Variants in BTBD9 observed in about 807,000 individuals in gnomAD.
The protein encoded by BTBD9 is BTB domain containing 9, also known as BTB/POZ domain-containing protein 9.
In BTBD9, 49 loss-of-function variants were observed where a neutral mutation model predicts 64.3. The ratio of observed to expected loss-of-function variants is 0.76; its 90% CI spans 0.61 to 0.97. The LOEUF (loss-of-function observed/expected upper bound fraction) is 0.97. BTBD9 is among the 50% of genes least tolerant of loss of function. The probability of loss-of-function intolerance (pLI) is 0.00; values close to 1 mark genes in which losing one functional copy is unlikely to be tolerated. For missense variants in BTBD9, 598 were observed against 762.1 expected, an observed-to-expected ratio of 0.78 and a Z score of 2.53; for synonymous variants, 260 against 274.7, an observed-to-expected ratio of 0.95 and a Z score of 0.53.
At chr6:38,259,994 A>C (rs1241756099) in intron 8 of BTBD9, among the ~76,000 whole-genome samples, 1 of 152,180 alleles carries the variant, frequency 6.6e-6, no homozygotes, top group East Asian at 1.9e-4. Flanking sequence ...ATTTCCTCAA[A>C]TATTATCCTA....
intron 6 of BTBD9, among the ~76,000 whole-genome samples, chr6:38,519,504 TTGTAC>T (rs1351466788): frequency 5.9e-5 from 9 of 152,210 alleles, no homozygotes; most frequent in Non-Finnish European, 1.3e-4. Flanking sequence ...TTATATATCC[TTGTAC>T]TGTAAAGTAT....
At chr6:38,374,683 T>C (rs1365743432) in intron 6 of BTBD9, among the ~76,000 whole-genome samples, 1 of 152,092 alleles carries the variant, frequency 6.6e-6, no homozygotes, top group East Asian at 1.9e-4. Flanking sequence ...CCCCCAGCTC[T>C]TGCACACACA....
intron 6 of BTBD9, among the ~76,000 whole-genome samples, chr6:38,506,376 G>T (rs1366335702): frequency 6.6e-6 from 1 of 152,232 alleles, no homozygotes; most frequent in Non-Finnish European, 1.5e-5. Flanking sequence ...TCCATAAACA[G>T]TGTTGGATGC....
intron 9 of BTBD9, among the ~76,000 whole-genome samples, chr6:38,208,148 A>G (rs756461983): frequency 6.6e-6 from 1 of 152,102 alleles, no homozygotes; most frequent in Non-Finnish European, 1.5e-5. Flanking sequence ...AAGGGAAGAA[A>G]TAATAAAAGC....
chr6:38,259,491 C>A (rs1370253831), intron 8 of BTBD9, among the ~76,000 whole-genome samples: 1 of 152,174 alleles, frequency 6.6e-6, no homozygotes, highest in African/African-American at 2.4e-5. Context: ...CAGCCTCAAA[C>A]TCCTGGGCTA....
At chr6:38,520,492 C>T (rs367999422) in intron 6 of BTBD9, among the ~76,000 whole-genome samples, 3 of 152,016 alleles carry the variant, frequency 2.0e-5, no homozygotes, top group Non-Finnish European at 1.5e-5. Context: ...AAAAAATACA[C>T]AAAATTGTCA....
Position 38,594,093 on chromosome 6 carries a change from C to A in BTBD9, c.420G>T (p.Gln140His), listed in dbSNP as rs1477926673. 9.9e-6 allele frequency: 16 copies of A among 1,614,146 alleles called. No individual in the cohort carries two copies. The highest frequency in any genetic ancestry group is 1.4e-5 in the Non-Finnish European group (16 of 1,180,012). Residue 140 changes from glutamine to histidine, a missense_variant, in exon 3 of 11, where the codon CAG becomes CAT. Physicochemically the swap from Gln to His is conservative, Grantham distance 24. Coordinates refer to ENST00000481247, the MANE Select transcript of BTBD9 (RefSeq NM_001099272.2). ...SEYLCTILNI[Q>H]NVCMTFDVAS... ...CAACATCAAAAGTCATGCAGACATT[C>A]TGAATGTTAAGTATGGTGCAGAGAT...
chr6:38,463,091 T>G (rs1417224454), intron 6 of BTBD9, among the ~76,000 whole-genome samples: 1 of 152,182 alleles, frequency 6.6e-6, no homozygotes, highest in Admixed American at 6.5e-5. Context: ...CCGATGCGCC[T>G]GGCCTTGCAC....
At chr6:38,346,915 G>T (rs563198249) in intron 6 of BTBD9, among the ~76,000 whole-genome samples, 1 of 152,092 alleles carries the variant, frequency 6.6e-6, no homozygotes, top group Non-Finnish European at 1.5e-5. Flanking sequence ...AGATCATTTC[G>T]CTATTCTCTA....
intron 6 of BTBD9, among the ~76,000 whole-genome samples, chr6:38,569,837 A>G (rs1368707345): frequency 6.6e-6 from 1 of 151,962 alleles, no homozygotes; most frequent in Non-Finnish European, 1.5e-5. Flanking sequence ...AAAGGGTTCT[A>G]GATGAAAATA....
Position 38,553,056 on chromosome 6 carries a change from T to C in BTBD9, c.1154+24544A>G, listed in dbSNP as rs535976863. Among the ~76,000 whole-genome samples the C allele has an allele frequency of 4.6e-5, 7 of 152,364 alleles. No individual in the cohort carries two copies. In the South Asian group the frequency reaches 1.4e-3, roughly 32 times the overall value. ...CTGCATACTTTAAATCACCTCTAGA[T>C]TACTTATACCTAACACAATGTAAAT... On this transcript the variant is annotated intron_variant, in intron 6 of 10. Transcript: ENST00000481247.
intron 10 of BTBD9, among the ~76,000 whole-genome samples, chr6:38,180,207 G>T (rs1761486081): frequency 6.6e-6 from 1 of 152,208 alleles, no homozygotes; most frequent in Non-Finnish European, 1.5e-5. Context: ...CATTCGGGGG[G>T]GCCTGTGGGT....
At chr6:38,399,389 T>C (rs973976679) in intron 6 of BTBD9, among the ~76,000 whole-genome samples, 21 of 152,328 alleles carry the variant, frequency 1.4e-4, no homozygotes, top group African/African-American at 5.1e-4. Flanking sequence ...CTTGGGAGCA[T>C]AAAGACTTGT....
intron 6 of BTBD9, among the ~76,000 whole-genome samples, chr6:38,506,872 G>A (rs545321129): frequency 3.2e-4 from 48 of 152,102 alleles, no homozygotes; most frequent in Admixed American, 9.2e-4. Flanking sequence ...TGGCATAAAC[G>A]ACCCAACTGG....
intron 6 of BTBD9, among the ~76,000 whole-genome samples, chr6:38,393,707 T>C (rs1038851607): frequency 5.3e-5 from 8 of 152,202 alleles, no homozygotes; most frequent in African/African-American, 1.7e-4. Flanking sequence ...ATACAAATTA[T>C]CTGAAATTGT....
At chr6:38,305,813 C>A (rs142422401) in intron 7 of BTBD9, among the ~76,000 whole-genome samples, 1 of 152,022 alleles carries the variant, frequency 6.6e-6, no homozygotes, top group African/African-American at 2.4e-5. Flanking sequence ...CTTTTATGCC[C>A]GAGGGGGAGA....
At chr6:38,451,407 T>C (rs1167145577) in intron 6 of BTBD9, among the ~76,000 whole-genome samples, 1 of 152,188 alleles carries the variant, frequency 6.6e-6, no homozygotes, top group African/African-American at 2.4e-5. Context: ...CTGATAAACC[T>C]TGACTCAAAC....
intron 4 of BTBD9, among the ~76,000 whole-genome samples, chr6:38,589,747 A>G (rs1370882612): frequency 6.6e-6 from 1 of 152,188 alleles, no homozygotes; most frequent in Non-Finnish European, 1.5e-5. Context: ...TTACTTATCA[A>G]CTAATCACAA....
At chr6:38,319,178 A>C (rs1763138601) in intron 7 of BTBD9, among the ~76,000 whole-genome samples, 1 of 152,018 alleles carries the variant, frequency 6.6e-6, no homozygotes, top group South Asian at 2.1e-4. Context: ...TCTGGACTAG[A>C]GTAGGTCCAG....
Sources: allele counts gnomAD v4.1 joint callset (sites outside exome capture counted in the v4.1 genomes callset), GRCh38; gene constraint gnomAD v4.1.1; transcripts MANE v1.5; gene names NCBI Gene and HGNC (gene_info 2026-07-23, HGNC 2026-07-21).